Variants in PHLPP1 observed in about 807,000 individuals in gnomAD.
The protein encoded by PHLPP1 is PH domain and leucine rich repeat protein phosphatase 1.
Under a neutral mutation model 117.2 loss-of-function variants are expected in PHLPP1, and 42 were observed. The ratio of observed to expected loss-of-function variants is 0.36; its 90% CI spans 0.28 to 0.46. The LOEUF is 0.46. PHLPP1 is among the 20% of genes least tolerant of loss of function. PHLPP1 has a pLI of 1.00. For missense variants in PHLPP1, 2,084 were observed against 2,241.9 expected, an observed-to-expected ratio of 0.93 and a Z score of 1.42; for synonymous variants, 1,042 against 970.7, an observed-to-expected ratio of 1.07 and a Z score of -1.37.
At chr18:62,872,094 A>G (rs1277953311) in intron 4 of PHLPP1, among the ~76,000 whole-genome samples, 1 of 152,248 alleles carries the variant, frequency 6.6e-6, no homozygotes, top group African/African-American at 2.4e-5. Flanking sequence ...CTAAATGGAC[A>G]TAAGGCATTA....
At chr18:62,916,771 T>TTTTTTTTTTA (rs56723858) in intron 9 of PHLPP1, among the ~76,000 whole-genome samples, 1 of 91,678 alleles carries the variant, frequency 1.1e-5, no homozygotes, top group Non-Finnish European at 2.2e-5. Context: ...TTTTTTTTTT[T>TTTTTTTTTTA]GAGACAGAGT....
At chr18:62,731,928 G>A (rs1911236610) in intron 1 of PHLPP1, among the ~76,000 whole-genome samples, 1 of 152,204 alleles carries the variant, frequency 6.6e-6, no homozygotes. Context: ...GGCTGAGAAA[G>A]GTGAGGAAGT....
chr18:62,769,918 C>T (rs1762181069), intron 1 of PHLPP1, among the ~76,000 whole-genome samples: 1 of 152,140 alleles, frequency 6.6e-6, no homozygotes, highest in African/African-American at 2.4e-5. Context: ...TCATCAAATG[C>T]CATGCTTGAA....
At chr18:62,751,277 G>A (rs1568103059) in intron 1 of PHLPP1, among the ~76,000 whole-genome samples, 3 of 152,154 alleles carry the variant, frequency 2.0e-5, no homozygotes, top group Non-Finnish European at 4.4e-5. Flanking sequence ...GGGAGGAAGG[G>A]GGTAGTCTTT....
chr18:62,937,777 C>G (rs1306444161), intron 10 of PHLPP1, among the ~76,000 whole-genome samples: 1 of 152,108 alleles, frequency 6.6e-6, no homozygotes, highest in Non-Finnish European at 1.5e-5. Flanking sequence ...TTTGGGAGGC[C>G]TAGGCAGGTG....
chr18:62,778,862 G>A (rs868186297), intron 1 of PHLPP1, among the ~76,000 whole-genome samples: 4 of 152,134 alleles, frequency 2.6e-5, no homozygotes, highest in African/African-American at 9.7e-5. Flanking sequence ...TAGCATATTT[G>A]CTCATATTAT....
rs374899951 is a variant in PHLPP1, at chr18:62,860,583, G to A, written c.2048G>A (p.Gly683Glu). The A allele has an allele frequency of 4.3e-6, 7 of 1,612,654 alleles. No homozygotes were observed. In the African/African-American group the frequency reaches 9.4e-5, roughly 22 times the overall value. The change falls in exon 4 of 17, where the codon GGG (glycine) becomes GAG (glutamate). Residue 683 changes from glycine (G) to glutamate (E), a missense_variant. Gly to Glu is a moderately conservative substitution (Grantham distance 98). Transcript: ENST00000262719. ...AACCCTAGCCTTCCAGCTGCCAGGG[G>A]GCTTAATGAACTGCAAAGGTAAGCC... ...RQNPSLPAAR[G>E]LNELQRFTKL...
chr18:62,979,306 A>G lies in PHLPP1; in HGVS notation c.5029A>G (p.Ile1677Val). 1.3e-6 allele frequency: 2 copies of G among 1,554,244 alleles called. No homozygotes were observed. The highest frequency in any genetic ancestry group is 2.7e-5 in the African/African-American group (2 of 73,242). ...PPELEEEVKE[I>V]MKHHQEQQQQ... is the part of the protein sequence containing the mutation. Reference sequence around the variant, plus strand: ...GGAGCTGGAAGAGGAGGTCAAAGAAATCATGAAGCATCACCAGGAGCAACA... The same window carrying G: ...GGAGCTGGAAGAGGAGGTCAAAGAAGTCATGAAGCATCACCAGGAGCAACA... The change falls in exon 17 of 17, where the codon ATC becomes GTC. Residue 1677 changes from isoleucine (I) to valine (V), a missense_variant. Physicochemically the swap from Ile to Val is conservative, Grantham distance 29 (BLOSUM62 3). Coordinates refer to ENST00000262719, the MANE Select transcript of PHLPP1 (RefSeq NM_194449.4).
At chr18:62,777,255 G>A (rs529397967) in intron 1 of PHLPP1, among the ~76,000 whole-genome samples, 63 of 151,994 alleles carry the variant, frequency 4.1e-4, no homozygotes, top group Non-Finnish European at 7.5e-4. Context: ...AGCTTGTAGT[G>A]GTATCTTATT....
chr18:62,914,521 C>A (rs187716977), intron 8 of PHLPP1, among the ~76,000 whole-genome samples: 1 of 152,160 alleles, frequency 6.6e-6, no homozygotes, highest in Admixed American at 6.5e-5. Context: ...TTGTAAACCT[C>A]GAACTCCTCT....
intron 1 of PHLPP1, among the ~76,000 whole-genome samples, chr18:62,814,705 C>T (rs1914214060): frequency 6.6e-6 from 1 of 152,186 alleles, no homozygotes; most frequent in African/African-American, 2.4e-5. Context: ...CATTATTTAT[C>T]ATGAGTACTT....
At chr18:62,864,467 T>A (rs893724072) in intron 4 of PHLPP1, among the ~76,000 whole-genome samples, 7 of 152,058 alleles carry the variant, frequency 4.6e-5, no homozygotes, top group African/African-American at 1.7e-4. Flanking sequence ...AGAGAGGAGG[T>A]CAGTCACAAA....
intron 1 of PHLPP1, among the ~76,000 whole-genome samples, chr18:62,766,076 A>AAAATATATATATAT: frequency 6.9e-4 from 15 of 21,658 alleles, no homozygotes; most frequent in Admixed American, 7.9e-4. Flanking sequence ...AAAAAAAAAA[A>AAAATATATATATAT]ATATATATAT....
At chr18:62,818,814 T>C (rs1914364220) in intron 1 of PHLPP1, among the ~76,000 whole-genome samples, 1 of 152,244 alleles carries the variant, frequency 6.6e-6, no homozygotes, top group Non-Finnish European at 1.5e-5. Context: ...TTATAACCAC[T>C]GGACTGCCAG....
Position 62,766,098 on chromosome 18 carries a change from TATATAAA to T in PHLPP1, c.1576+48845_1576+48851del, listed in dbSNP as rs1223574173. Among the ~76,000 whole-genome samples, 14 of 80,306 alleles carry T rather than the reference TATATAAA, an allele frequency of 1.7e-4. No homozygotes were observed. The East Asian group carries it at 3.1e-3, about 18-fold the overall frequency. 52.7% of individuals were successfully genotyped at this position (80,306 alleles called of 152,430 possible). A position where few individuals can be genotyped will look rare whatever the true frequency, so the allele number is the denominator to read the frequency against. ...AAAAATATATATATATATATATATA[TATATAAA>T]ATATATATATATTTGTACAGAAAAG... On this transcript the variant is annotated intron_variant, in intron 1 of 16. Coordinates refer to ENST00000262719, the MANE Select transcript of PHLPP1 (RefSeq NM_194449.4).
intron 4 of PHLPP1, among the ~76,000 whole-genome samples, chr18:62,884,879 C>T (rs1159977329): frequency 6.6e-6 from 1 of 152,182 alleles, no homozygotes; most frequent in African/African-American, 2.4e-5. Context: ...TTCCATCATA[C>T]TGTTATTTTA....
intron 13 of PHLPP1, among the ~76,000 whole-genome samples, chr18:62,962,606 G>A (rs1910802262): frequency 6.6e-6 from 1 of 152,204 alleles, no homozygotes; most frequent in Non-Finnish European, 1.5e-5. Context: ...ACCGCGCCTG[G>A]CAAGGCTGAT....
intron 1 of PHLPP1, among the ~76,000 whole-genome samples, chr18:62,769,221 A>G (rs1283028021): frequency 6.6e-6 from 1 of 152,234 alleles, no homozygotes; most frequent in Non-Finnish European, 1.5e-5. Context: ...TTTGAATTTT[A>G]GTGGAACATT....
intron 2 of PHLPP1, among the ~76,000 whole-genome samples, chr18:62,835,480 G>A (rs936084000): frequency 1.6e-4 from 25 of 152,144 alleles, no homozygotes; most frequent in African/African-American, 5.8e-4. Context: ...TTACAGGTGT[G>A]AGCCACCGCA....
Sources: gnomAD v4.1 joint callset for allele counts (sites outside exome capture counted in the v4.1 genomes callset) on GRCh38, gnomAD v4.1.1 for gene constraint, MANE v1.5 for transcripts, NCBI Gene and HGNC (gene_info 2026-07-23, HGNC 2026-07-21) for gene names.